PEX5: variants seen among roughly 807,000 people sequenced by gnomAD.
PEX5 encodes the protein PTS1 receptor.
A neutral mutation model predicts 82.9 loss-of-function variants in PEX5; 52 were observed. The ratio of observed to expected loss-of-function variants is 0.63; its 90% confidence interval spans 0.50 to 0.79. PEX5 has a LOEUF of 0.79. PEX5 is among the 30% of genes least tolerant of loss of function. The probability of loss-of-function intolerance (pLI) is 0.00; values close to 1 mark genes in which losing one functional copy is unlikely to be tolerated. For synonymous variants in PEX5, 300 were observed against 318.8 expected (o/e 0.94, Z 0.63); for missense variants, 719 against 815.2 (o/e 0.88, Z 1.44).
At chr12:7,202,218 C>T in intron 7 of PEX5, 23 bp from the exon 8 acceptor site, 1 of 1,613,884 alleles carries the variant, frequency 6.2e-7, no homozygotes, top group African/African-American at 1.3e-5. Flanking sequence ...CCCAAGTGGC[C>T]TGTGTGTGTC....
chr12:7,192,173 C>T (rs781715033), intron 5 of PEX5, among the ~76,000 whole-genome samples: 3 of 152,188 alleles, frequency 2.0e-5, no homozygotes, highest in Non-Finnish European at 4.4e-5. Context: ...ACAATAGTTA[C>T]GTTCTAGGCC....
chr12:7,204,833 T>TC (rs35506024), intron 10 of PEX5, among the ~76,000 whole-genome samples: 23 of 152,248 alleles, frequency 1.5e-4, no homozygotes, highest in African/African-American at 5.1e-4. Context: ...TTTTTTTTTT[T>TC]CAGACACATA....
downstream of PEX5, among the ~76,000 whole-genome samples, chr12:7,211,675 T>C (rs1945582638): frequency 6.6e-6 from 1 of 152,180 alleles, no homozygotes; most frequent in Non-Finnish European, 1.5e-5. Flanking sequence ...GAGATGTCGA[T>C]AATCATGAAT....
At chr12:7,215,735 T>C (rs932683621), downstream of PEX5, among the ~76,000 whole-genome samples, 1 of 152,106 alleles carries the variant, frequency 6.6e-6, no homozygotes, top group African/African-American at 2.4e-5. Context: ...CACTGCAGAC[T>C]ACCAGAGAGG....
intron 10 of PEX5, among the ~76,000 whole-genome samples, chr12:7,204,559 T>C (rs771976062): frequency 6.6e-6 from 1 of 152,342 alleles, no homozygotes; most frequent in South Asian, 2.1e-4. Flanking sequence ...GACCTTGCCA[T>C]GTATTTCACT....
intron 5 of PEX5, among the ~76,000 whole-genome samples, chr12:7,196,456 G>GTCATATATAATGTAATAATTACA (rs1459993948): frequency 1.5e-5 from 2 of 135,834 alleles, no homozygotes; most frequent in African/African-American, 5.3e-5. Context: ...ATAATTATGT[G>GTCATATATAATGTAATAATTACA]TCATATATAA....
intron 7 of PEX5, 128 bp downstream of exon 7, chr12:7,201,969 T>C: frequency 3.9e-6 from 3 of 778,080 alleles, no homozygotes; most frequent in South Asian, 1.5e-5. Context: ...TTCCTGTCTA[T>C]AGAACAGAGA....
At chr12:7,211,955 AT>A (rs869133253), downstream of PEX5, among the ~76,000 whole-genome samples, 745 of 17,204 alleles carry the variant, frequency 0.043, 4 homozygotes, top group Middle Eastern at 0.083. Context: ...TGGAAAAAAA[AT>A]TTTTTTTTTT....
Position 7,191,585 on chromosome 12 carries a change from C to G in PEX5, c.333C>G (p.Asp111Glu), listed in dbSNP as rs756877217. The change falls in exon 5 of 16, where the codon GAC (aspartate) becomes GAG (glutamate). Residue 111 changes from aspartate (D) to glutamate (E), a missense_variant. Physicochemically the swap from Asp to Glu is conservative, Grantham distance 45. Transcript: ENST00000675855. ...QAPQRAPGVADLALSENWAQE... is the reference protein window; with the variant it reads ...QAPQRAPGVAELALSENWAQE... ...TCTTTTAAGCCCCTGGTGTGGCAGACTTGGCCTTGTCTGAGAACTGGGCCC... is the reference window on the plus strand; with the variant it reads ...TCTTTTAAGCCCCTGGTGTGGCAGAGTTGGCCTTGTCTGAGAACTGGGCCC... The G allele has an allele frequency of 6.2e-7, 1 of 1,614,070 alleles. No homozygotes were observed. Among genetic ancestry groups the G allele is most frequent in the Non-Finnish European group, 8.5e-7 (1 of 1,179,956 alleles).
At chr12:7,199,653 C>T (rs891710642) in intron 6 of PEX5, among the ~76,000 whole-genome samples, 11 of 150,866 alleles carry the variant, frequency 7.3e-5, no homozygotes, top group Non-Finnish European at 1.0e-4. Flanking sequence ...TTTTCCCCAC[C>T]TTTCCCCCTT....
At chr12:7,194,122 G>A (rs937268091) in intron 5 of PEX5, among the ~76,000 whole-genome samples, 1 of 152,068 alleles carries the variant, frequency 6.6e-6, no homozygotes, top group Non-Finnish European at 1.5e-5. Flanking sequence ...CAGCATTTGT[G>A]GTTGATACAA....
rs1451112130 is a variant in PEX5 at position 7,191,378 on chromosome 12, G to A, written c.316+20G>A. The A allele has an allele frequency of 6.2e-7, 1 of 1,614,054 alleles. No homozygotes were observed. Among genetic ancestry groups the A allele is most frequent in the Non-Finnish European group, 8.5e-7 (1 of 1,180,030 alleles). On this transcript the variant is annotated intron_variant, in intron 4 of 15. Coordinates refer to ENST00000675855, the MANE Select transcript of PEX5 (RefSeq NM_001351132.2). ...AGAGAGGTGAGTCCAGAGTCTAGTG[G>A]GAGGGGAGATCGTTTTCCATGTAGC...
chr12:7,202,159 T>C, intron 7 of PEX5, 82 bp from the exon 8 acceptor site: 1 of 1,608,938 alleles, frequency 6.2e-7, no homozygotes, highest in Non-Finnish European at 8.5e-7. Context: ...GAGGGGTGAG[T>C]ACAGGGTCCT....
chr12:7,212,514 A>G (rs1355931640), downstream of PEX5, among the ~76,000 whole-genome samples: 1 of 151,696 alleles, frequency 6.6e-6, no homozygotes, highest in Non-Finnish European at 1.5e-5. Flanking sequence ...AAACAGGTCT[A>G]AAAGACAACT....
rs965688784 is a variant in PEX5, at chr12:7,195,563, T to G, written c.449-3448T>G. ...TCTTAAACTGCCTCATATCTATTGT[T>G]AAGTCCTCATGTCTGTTGTAAAAAT... On this transcript the variant is annotated intron_variant, in intron 5 of 15. Transcript: ENST00000675855. 1.1e-4 allele frequency among the ~76,000 whole-genome samples: 16 copies of G among 152,004 alleles called. 1 individual carries two copies.
At chr12:7,208,327 CAT>C in intron 12 of PEX5, 128 bp from the exon 13 acceptor site, 3 of 768,004 alleles carry the variant, frequency 3.9e-6, no homozygotes, top group Non-Finnish European at 4.6e-6. Context: ...ATTATTAACT[CAT>C]GTCAGAGGAG....
At chr12:7,198,976 C>T in intron 5 of PEX5, 35 bp from the exon 6 acceptor site, 1 of 1,161,918 alleles carries the variant, frequency 8.6e-7, no homozygotes, top group Non-Finnish European at 1.3e-6. Flanking sequence ...ACTGAATGAA[C>T]CTGTGTGATT....
At chr12:7,200,546 A>T (rs1185971010) in intron 6 of PEX5, among the ~76,000 whole-genome samples, 5 of 152,072 alleles carry the variant, frequency 3.3e-5, no homozygotes, top group African/African-American at 7.2e-5. Flanking sequence ...GGCGGCTGGG[A>T]GGTGGAGGTT....
intron 1 of PEX5, 107 bp downstream of exon 1, chr12:7,189,857 G>A (rs930886841): frequency 1.0e-5 from 13 of 1,289,904 alleles, no homozygotes; most frequent in Middle Eastern, 2.6e-4. Context: ...CAGCAGGGCC[G>A]GGGAGATGGG....
Sources: allele counts gnomAD v4.1 joint callset (sites outside exome capture counted in the v4.1 genomes callset), GRCh38; gene constraint gnomAD v4.1.1; transcripts MANE v1.5; gene names NCBI Gene and HGNC (gene_info 2026-07-23, HGNC 2026-07-21).